STOML1: variants seen among roughly 807,000 people sequenced by gnomAD.
The protein encoded by STOML1 is stomatin-like protein 1.
In STOML1, 27 loss-of-function variants were observed where a neutral mutation model predicts 35.7. That is an observed-to-expected ratio of 0.76 (90% CI 0.56 to 1.04). The LOEUF (loss-of-function observed/expected upper bound fraction) is 1.04, where lower values mean the gene tolerates loss of function less well. Among genes scored for constraint, STOML1 ranks in the 50% least tolerant of loss-of-function variants. STOML1 has a pLI of 0.00. For missense variants in STOML1, 451 were observed against 527.1 expected (o/e 0.86, Z 1.41); for synonymous variants, 219 against 227.9 (o/e 0.96, Z 0.35).
rs2068999920 is a variant in STOML1 at position 73,983,849 on chromosome 15, T to C, written c.*88A>G. On this transcript the variant is annotated 3_prime_UTR_variant, in exon 7 of 7. Coordinates refer to ENST00000541638, the MANE Select transcript of STOML1 (RefSeq NM_004809.5). The stretch of plus-strand genomic sequence containing the variant: ...AATTTGTTAGGGCCTCAACTCTCTG[T>C]GGTGCAGATGAACACCTCCTCCTCC... 1.4e-6 allele frequency: 2 copies of C among 1,439,472 alleles called. No homozygotes were observed. The highest frequency in any genetic ancestry group is 1.9e-6 in the Non-Finnish European group (2 of 1,068,478). 89.2% of individuals were successfully genotyped at this position (1,439,472 alleles called of 1,614,324 possible).
intron 1 of STOML1, chr15:73,991,166 A>G (rs1162528543): frequency 3.1e-6 from 1 of 324,230 alleles, no homozygotes; most frequent in Non-Finnish European, 4.4e-6. Context: ...AACCCTGCCT[A>G]TTTCAATTCA....
intron 2 of STOML1, among the ~76,000 whole-genome samples, chr15:73,989,640 C>A (rs903373102): frequency 6.6e-6 from 1 of 152,126 alleles, no homozygotes; most frequent in Non-Finnish European, 1.5e-5. Flanking sequence ...TAACAGCACC[C>A]CCGGGGAAAG....
intron 6 of STOML1, among the ~76,000 whole-genome samples, 200 bp downstream of exon 6, chr15:73,984,459 C>T (rs1224423812): frequency 2.6e-5 from 4 of 152,330 alleles, no homozygotes; most frequent in South Asian, 2.1e-4. Context: ...GTATTGGAAG[C>T]CTGGCTGCAT....
chr15:73,987,337 T>G (rs2069131544), intron 4 of STOML1: 1 of 152,266 alleles, frequency 6.6e-6, no homozygotes, highest in Admixed American at 6.5e-5. Flanking sequence ...CTGGACCTCC[T>G]GAGGTTCTGT....
At chr15:73,990,011 G>T (rs2069219209) in intron 2 of STOML1, 2 of 230,946 alleles carry the variant, frequency 8.7e-6, no homozygotes, top group Non-Finnish European at 1.7e-5. Flanking sequence ...ACTACCAGCT[G>T]GGCTAAGTTG....
At position 73,988,832 on chromosome 15, in the gene STOML1, C is replaced by T; in HGVS notation, c.391-30G>A. On this transcript the variant is annotated intron_variant, in intron 3 of 6. Transcript: ENST00000541638. This position sits in a 1 kb window ranked among gnomAD's most constrained non-coding sequence, Gnocchi z 4.8. ...TGGGGGAGGCCATGAGAGAGAGACA[C>T]TCAAGGGGCTGGGGGTGCAGGGAGG... The T allele has an allele frequency of 6.3e-7, 1 of 1,597,808 alleles. No homozygotes were observed.
Position 73,981,591 on chromosome 15 carries a change from G to A in STOML1, c.*2346C>T, listed in dbSNP as rs946118897. Reference sequence around the variant, plus strand: ...CTGGTACTTCAGGTTCTAGTTCCCCGAAGCCCAGTTGCCTGACTGCCTCTT... The same window carrying A: ...CTGGTACTTCAGGTTCTAGTTCCCCAAAGCCCAGTTGCCTGACTGCCTCTT... On this transcript the variant is annotated 3_prime_UTR_variant, in exon 7 of 7. Coordinates refer to ENST00000541638, the MANE Select transcript of STOML1 (RefSeq NM_004809.5). 3.9e-5 allele frequency: 6 copies of A among 152,112 alleles called. No homozygotes were observed. Among genetic ancestry groups the A allele is most frequent in the Admixed American group, 1.3e-4 (2 of 15,274 alleles). The allele number at this position is 152,112 out of a possible 1,614,324, so 9.4% of individuals were successfully genotyped here.
In STOML1 at chr15:73,984,005, G is replaced by A. The variant is rs371570677; in HGVS notation, c.1129C>T (p.Arg377Trp). The A allele has an allele frequency of 2.6e-5, 42 of 1,613,912 alleles. No individual in the cohort carries two copies. The highest frequency in any genetic ancestry group is 4.5e-5 in the East Asian group (2 of 44,892). Residue 377 changes from arginine (R) to tryptophan (W), a missense_variant, in exon 7 of 7, where the codon CGG becomes TGG. Coordinates refer to ENST00000541638, the MANE Select transcript of STOML1 (RefSeq NM_004809.5). ...LRPLGAYMSG[R>W]LKVKGDLAMA... ...GCCAGGTCGCCCTTCACCTTCAGCC[G>A]TCCACTCATGTAGGCCCCCAGGGGC...
Position 73,983,971 on chromosome 15 carries a change from A to G in STOML1, c.1163T>C (p.Met388Thr). 3 of 1,613,936 alleles carry G rather than the reference A, an allele frequency of 1.9e-6. No individual in the cohort carries two copies. Among genetic ancestry groups the G allele is most frequent in the Non-Finnish European group, 2.5e-6 (3 of 1,179,974 alleles). ...GGCCCTGAGGACAGCCTCCAGCTTC[A>G]TGGCCATAGCCAGGTCGCCCTTCAC... Reference protein sequence around the residue: ...LKVKGDLAMAMKLEAVLRALK With the variant: ...LKVKGDLAMATKLEAVLRALK Residue 388 changes from methionine (M) to threonine (T), a missense_variant, in exon 7 of 7, where the codon ATG becomes ACG. Met to Thr is a moderately conservative substitution (Grantham distance 81). Coordinates refer to ENST00000541638, the MANE Select transcript of STOML1 (RefSeq NM_004809.5).
In STOML1 at chr15:73,983,718, C is replaced by T. The variant is rs552054096; in HGVS notation, c.*219G>A. 9.8e-6 allele frequency: 5 copies of T among 511,298 alleles called. No homozygotes were observed. Among genetic ancestry groups the T allele is most frequent in the Middle Eastern group, 5.1e-4 (1 of 1,956 alleles). The allele number at this position is 511,298 out of a possible 1,614,324, so 31.7% of individuals were successfully genotyped here. A position where few individuals can be genotyped will look rare whatever the true frequency, so the allele number is the denominator to read the frequency against. ...CAGCGCTGGGCACTCAGCTGGGGACCGGGATGGACAAAGCCTTGTCCAGAG... is the reference window on the plus strand; with the variant it reads ...CAGCGCTGGGCACTCAGCTGGGGACTGGGATGGACAAAGCCTTGTCCAGAG... On this transcript the variant is annotated 3_prime_UTR_variant, in exon 7 of 7. Transcript: ENST00000541638.
chr15:73,990,700 T>C (rs2069246977), intron 1 of STOML1: 1 of 1,181,678 alleles, frequency 8.5e-7, no homozygotes, highest in East Asian at 2.6e-5. Context: ...CAAGGCCTTA[T>C]TCTCTGCTAG....
At position 73,985,407 on chromosome 15, in the gene STOML1, T is replaced by C. The variant is rs2069060458; in HGVS notation, c.701A>G (p.Asn234Ser). 1 of 1,564,612 alleles carries C rather than the reference T, an allele frequency of 6.4e-7. No homozygotes were observed. Among genetic ancestry groups the C allele is most frequent in the Non-Finnish European group, 8.6e-7 (1 of 1,162,642 alleles). ...CAGCTGCTGGAGGGTGCTGTCCAGG[T>C]TGGGCCCAGCTGGGCTGTCCTGGGG... is the stretch of plus-strand genomic sequence containing the variant. ...QPPQDSPAGP[N>S]LDSTLQQLAL... is the part of the protein sequence containing the mutation. Residue 234 changes from asparagine to serine, a missense_variant, in exon 5 of 7, where the codon AAC becomes AGC. Asn to Ser is a conservative substitution (Grantham distance 46). Coordinates refer to ENST00000541638, the MANE Select transcript of STOML1 (RefSeq NM_004809.5).
Position 73,983,060 on chromosome 15 carries a change from C to A in STOML1, c.*877G>T, listed in dbSNP as rs1019963676. 1.1e-4 allele frequency: 15 copies of A among 141,864 alleles called. No individual in the cohort carries two copies. The highest frequency in any genetic ancestry group is 3.8e-4 in the African/African-American group (15 of 39,784). 8.8% of individuals were successfully genotyped at this position (141,864 alleles called of 1,614,324 possible). ...CCAGCCCCACCCTTGCTTCCAGGGG[C>A]TTTGAGACACTCAGGAGAAGGAGCT... On this transcript the variant is annotated 3_prime_UTR_variant, in exon 7 of 7. Coordinates refer to ENST00000541638, the MANE Select transcript of STOML1 (RefSeq NM_004809.5).
In STOML1 at chr15:73,988,438, C is replaced by CA. The variant is rs2069160014; in HGVS notation, c.594+160dup. ...TACGCCCACCTGCCATTCCTCAACT[C>CA]ATGGCCCCACCCAGGCACTGGCTCT... On this transcript the variant is annotated intron_variant, in intron 4 of 6. Transcript: ENST00000541638. The surrounding 1 kb of genome is among the most constrained non-coding windows in gnomAD (Gnocchi z 4.8). 1.2e-6 allele frequency: 1 copy of CA among 837,672 alleles called. No individual in the cohort carries two copies. The highest frequency in any genetic ancestry group is 2.8e-5 in the Admixed American group (1 of 36,278). The allele number at this position is 837,672 out of a possible 1,614,324, so 51.9% of individuals were successfully genotyped here. A position where few individuals can be genotyped will look rare whatever the true frequency, so the allele number is the denominator to read the frequency against.
At chr15:73,985,267 G>A in intron 5 of STOML1, 51 bp downstream of exon 5, 2 of 1,491,308 alleles carry the variant, frequency 1.3e-6, no homozygotes, top group South Asian at 2.9e-5. Flanking sequence ...CAAAGTCTGT[G>A]CTGGCACCAA....
chr15:73,988,657 A>G lies in STOML1; in HGVS notation c.536T>C (p.Leu179Pro), dbSNP rs1180689371. 1 of 1,614,122 alleles carries G rather than the reference A, an allele frequency of 6.2e-7. No individual in the cohort carries two copies. The highest frequency in any genetic ancestry group is 1.7e-5 in the Admixed American group (1 of 60,020). The part of the protein sequence containing the change: ...TAQNAMTKAL[L>P]KRPLREIQME... ...CTGGATCTCCCGCAGCGGCCTCTTGAGCAGGGCCTTGGTCATGGCGTTCTG... is the reference window on the plus strand; with the variant it reads ...CTGGATCTCCCGCAGCGGCCTCTTGGGCAGGGCCTTGGTCATGGCGTTCTG... Residue 179 changes from leucine to proline, a missense_variant, in exon 4 of 7, where the codon CTC (leucine) becomes CCC (proline). Transcript: ENST00000541638. This position sits in a 1 kb window ranked among gnomAD's most constrained non-coding sequence, Gnocchi z 4.8.
Position 73,992,262 on chromosome 15 carries a change from C to T in STOML1, c.-39G>A, listed in dbSNP as rs746808382. The T allele has an allele frequency of 6.3e-7, 1 of 1,575,206 alleles. No homozygotes were observed. The highest frequency in any genetic ancestry group is 1.8e-4 in the Middle Eastern group (1 of 5,534). ...AGACACGCCCCGCGCCTCCGCGCGG[C>T]GCCCTCCCTGGCCAGTGGGCCCTAC... On this transcript the variant is annotated 5_prime_UTR_variant, in exon 1 of 7. Coordinates refer to ENST00000541638, the MANE Select transcript of STOML1 (RefSeq NM_004809.5).
upstream of STOML1, chr15:73,992,328 C>T (rs952849069): frequency 2.1e-5 from 27 of 1,280,812 alleles, no homozygotes; most frequent in Admixed American, 8.4e-5. Flanking sequence ...GCTTCACCCG[C>T]GCGGCCACCC....
At position 73,985,444 on chromosome 15, in the gene STOML1, C is replaced by T. The variant is rs776788505; in HGVS notation, c.664G>A (p.Val222Met). ...GGGCTGTCCTGGGGCGGCTGGAGCA[C>T]GGCCTCCACTGCCAGCTCCACGCGG... ...VDRVELAVEA[V>M]LQPPQDSPAG... Residue 222 changes from valine (V) to methionine (M), a missense_variant, in exon 5 of 7, where the codon GTG becomes ATG. Transcript: ENST00000541638. 9 of 1,548,666 alleles carry T rather than the reference C, an allele frequency of 5.8e-6. No homozygotes were observed. The highest frequency in any genetic ancestry group is 2.8e-5 in the African/African-American group (2 of 71,166).
Sources: gnomAD v4.1 joint callset for allele counts (sites outside exome capture counted in the v4.1 genomes callset) on GRCh38, gnomAD v4.1.1 for gene constraint, Gnocchi (gnomAD v3.1) non-coding constraint, MANE v1.5 for transcripts, NCBI Gene and HGNC (gene_info 2026-07-23, HGNC 2026-07-21) for gene names.